Variants in KLHL1 observed in about 807,000 individuals in gnomAD.
KLHL1 encodes the protein kelch like family member 1, also known as kelch-like protein 1.
KLHL1 carries 47 observed loss-of-function variants against 77.7 expected under a neutral mutation model. That is an observed-to-expected ratio of 0.60 (90% confidence interval 0.48 to 0.77). KLHL1 has a LOEUF of 0.77. KLHL1 is among the 30% of genes least tolerant of loss of function. KLHL1 has a pLI of 0.00. For synonymous variants in KLHL1, 360 were observed against 325.2 expected (o/e 1.11, Z -1.15); for missense variants, 925 against 910.8 (o/e 1.02, Z -0.20).
chr13:70,090,972 T>C (rs60195311), intron 1 of KLHL1, among the ~76,000 whole-genome samples: 26,836 of 151,946 alleles, frequency 0.18, 4,026 homozygotes, highest in African/African-American at 0.41. Flanking sequence ...TCACATTACT[T>C]CTTCCTTTCT....
At chr13:69,870,698 T>C (rs1475029406) in intron 5 of KLHL1, among the ~76,000 whole-genome samples, 1 of 151,840 alleles carries the variant, frequency 6.6e-6, no homozygotes, top group East Asian at 1.9e-4. Context: ...AACATTCCCA[T>C]TCCAAAAGAG....
At chr13:69,956,156 A>G (rs891017147) in intron 3 of KLHL1, among the ~76,000 whole-genome samples, 2 of 139,972 alleles carry the variant, frequency 1.4e-5, no homozygotes, top group African/African-American at 5.4e-5. Flanking sequence ...ATTTATATAT[A>G]TTTGATATAT....
intron 4 of KLHL1, among the ~76,000 whole-genome samples, chr13:69,916,931 AG>A (rs1229453410): frequency 2.0e-5 from 3 of 152,068 alleles, no homozygotes; most frequent in South Asian, 2.1e-4. Context: ...GCAAGCAAAA[AG>A]AAAAACGTGC....
chr13:70,000,970 A>G (rs1168530483), intron 1 of KLHL1, among the ~76,000 whole-genome samples: 1 of 151,476 alleles, frequency 6.6e-6, no homozygotes, highest in Non-Finnish European at 1.5e-5. Flanking sequence ...AATAAGATCA[A>G]TGATGACAGG....
chr13:70,029,473 T>C (rs1886038488), intron 1 of KLHL1, among the ~76,000 whole-genome samples: 1 of 152,182 alleles, frequency 6.6e-6, no homozygotes, highest in African/African-American at 2.4e-5. Context: ...AAAAGAATTT[T>C]CAACCAAGAA....
chr13:69,774,411 C>A (rs888152898), intron 7 of KLHL1, among the ~76,000 whole-genome samples: 12 of 151,722 alleles, frequency 7.9e-5, no homozygotes, highest in African/African-American at 2.9e-4. Context: ...TATTAATCTT[C>A]CTATGATTTT....
intron 5 of KLHL1, among the ~76,000 whole-genome samples, chr13:69,855,516 G>A (rs1271906118): frequency 2.4e-5 from 3 of 125,326 alleles, no homozygotes; most frequent in Admixed American, 7.4e-5. Flanking sequence ...CACATATCAA[G>A]GGAGAGGAAA....
chr13:69,946,697 G>A (rs1369891671), intron 3 of KLHL1, among the ~76,000 whole-genome samples: 2 of 151,922 alleles, frequency 1.3e-5, no homozygotes, highest in Non-Finnish European at 2.9e-5. Context: ...TATTTTTGTA[G>A]CAATTAGGTG....
At chr13:69,732,182 T>A (rs903835024) in intron 8 of KLHL1, among the ~76,000 whole-genome samples, 6 of 152,164 alleles carry the variant, frequency 3.9e-5, no homozygotes, top group African/African-American at 1.4e-4. Flanking sequence ...TGTATTTTTT[T>A]AACTGGCGAA....
In KLHL1 at chr13:70,105,376, T is replaced by C. The variant is rs1208458333; in HGVS notation, c.497+1827A>G. Among the ~76,000 whole-genome samples, 3 of 151,690 alleles carry C rather than the reference T, an allele frequency of 2.0e-5. No homozygotes were observed. In the East Asian group the frequency reaches 5.8e-4, roughly 29 times the overall value. On this transcript the variant is annotated intron_variant, in intron 1 of 10. Coordinates refer to ENST00000377844, the MANE Select transcript of KLHL1 (RefSeq NM_020866.3). ...AAAACTCCAAATTACATAAAAGTCTTTATAAACTACTAATGCTGAATATGC... is the reference window on the plus strand; with the variant it reads ...AAAACTCCAAATTACATAAAAGTCTCTATAAACTACTAATGCTGAATATGC...
intron 8 of KLHL1, among the ~76,000 whole-genome samples, chr13:69,726,439 A>C (rs1414612597): frequency 6.6e-6 from 1 of 152,080 alleles, no homozygotes; most frequent in East Asian, 1.9e-4. Context: ...AAATATTTTA[A>C]CGTGCTTTAC....
In KLHL1 at chr13:70,075,893, A is replaced by G. The variant is rs993735052; in HGVS notation, c.497+31310T>C. On this transcript the variant is annotated intron_variant, in intron 1 of 10. Coordinates refer to ENST00000377844, the MANE Select transcript of KLHL1 (RefSeq NM_020866.3). ...AAATTTGAAACACAATGTAATTTTC[A>G]TTAACACAAAATGAAATATTTAGGT... 9.3e-5 allele frequency among the ~76,000 whole-genome samples: 14 copies of G among 150,908 alleles called. 1 individual carries two copies. Among genetic ancestry groups the G allele is most frequent in the African/African-American group, 3.4e-4 (14 of 41,084 alleles).
intron 3 of KLHL1, among the ~76,000 whole-genome samples, chr13:69,950,772 A>C (rs934539541): frequency 6.6e-6 from 1 of 151,558 alleles, no homozygotes; most frequent in Non-Finnish European, 1.5e-5. Flanking sequence ...TGTACCTTGA[A>C]CCCAGTTGAG....
At chr13:69,818,246 G>T (rs1333123407) in intron 6 of KLHL1, among the ~76,000 whole-genome samples, 1 of 103,578 alleles carries the variant, frequency 9.7e-6, no homozygotes, top group African/African-American at 6.8e-5. Context: ...TTTTGAGACG[G>T]AGTCTTGCTC....
chr13:70,097,552 G>A (rs947876927), intron 1 of KLHL1, among the ~76,000 whole-genome samples: 8 of 151,888 alleles, frequency 5.3e-5, no homozygotes, highest in East Asian at 3.9e-4. Flanking sequence ...ACCCCTTTTC[G>A]TCTCAGCCTG....
At chr13:69,774,968 A>G (rs368465379) in intron 7 of KLHL1, among the ~76,000 whole-genome samples, 10 of 152,210 alleles carry the variant, frequency 6.6e-5, no homozygotes, top group Non-Finnish European at 1.3e-4. Flanking sequence ...CAGAGGCTTC[A>G]TGTCTTGTGG....
rs187842200 is a variant in KLHL1, at chr13:69,914,614, A to G, written c.1014+25426T>C. 2.8e-4 allele frequency among the ~76,000 whole-genome samples: 43 copies of G among 152,362 alleles called. No individual in the cohort carries two copies. In the East Asian group the frequency reaches 6.7e-3, roughly 24 times the overall value. On this transcript the variant is annotated intron_variant, in intron 4 of 10. Coordinates refer to ENST00000377844, the MANE Select transcript of KLHL1 (RefSeq NM_020866.3). ...ATGTTATTTTGCCAGATAATGAAAC[A>G]TGATATCTGTAGTTATCAAACAGAA...
chr13:69,764,993 C>CCAGGCT (rs1257879215), intron 7 of KLHL1, among the ~76,000 whole-genome samples: 1 of 109,826 alleles, frequency 9.1e-6, no homozygotes, highest in Non-Finnish European at 1.7e-5. Context: ...GCTTTGTCGC[C>CCAGGCT]CAGGCTGGAG....
intron 9 of KLHL1, among the ~76,000 whole-genome samples, chr13:69,713,629 A>G (rs1303822502): frequency 6.6e-6 from 1 of 152,122 alleles, no homozygotes; most frequent in African/African-American, 2.4e-5. Flanking sequence ...TACATGCTTT[A>G]TCAAACTGAT....
Sources: allele counts gnomAD v4.1 joint callset (sites outside exome capture counted in the v4.1 genomes callset), GRCh38; gene constraint gnomAD v4.1.1; transcripts MANE v1.5; gene names NCBI Gene and HGNC (gene_info 2026-07-23, HGNC 2026-07-21).